Variants in DPP10 observed in about 807,000 individuals in gnomAD.
DPP10 encodes the protein dipeptidyl peptidase like 10, also known as inactive dipeptidyl peptidase 10.
Under a neutral mutation model 120.9 loss-of-function variants are expected in DPP10, and 33 were observed. That is an observed-to-expected ratio of 0.27 (90% CI 0.21 to 0.37). The LOEUF (loss-of-function observed/expected upper bound fraction) is 0.37. Among genes scored for constraint, DPP10 ranks in the 10% least tolerant of loss-of-function variants. The probability of loss-of-function intolerance (pLI) is 1.00; values close to 1 mark genes in which losing one functional copy is unlikely to be tolerated. For missense variants in DPP10, 816 were observed against 942.8 expected (o/e 0.87, Z 1.76); for synonymous variants, 337 against 326.1 (o/e 1.03, Z -0.36).
At chr2:115,799,618 T>C (rs1347769189) in intron 19 of DPP10, among the ~76,000 whole-genome samples, 2 of 126,992 alleles carry the variant, frequency 1.6e-5, no homozygotes, top group Non-Finnish European at 3.1e-5. Context: ...TGGTGTGTGA[T>C]GTTCCCCTTC....
chr2:115,451,556 T>C (rs2073107483), intron 3 of DPP10, among the ~76,000 whole-genome samples: 1 of 151,922 alleles, frequency 6.6e-6, no homozygotes, highest in South Asian at 2.1e-4. Context: ...AATACTATAT[T>C]TGATAGAAGT....
At chr2:115,719,210 A>G (rs1026559466) in intron 7 of DPP10, among the ~76,000 whole-genome samples, 1 of 152,218 alleles carries the variant, frequency 6.6e-6, no homozygotes, top group East Asian at 1.9e-4. Flanking sequence ...AAAAGCGTGG[A>G]TTAAAAGATA....
chr2:115,776,582 AG>A (rs1682124359), intron 13 of DPP10, among the ~76,000 whole-genome samples: 1 of 152,160 alleles, frequency 6.6e-6, no homozygotes, highest in South Asian at 2.1e-4. Flanking sequence ...AACTACATAA[AG>A]TGGTTAAGGA....
At chr2:115,767,473 A>G (rs74550903) in intron 12 of DPP10, among the ~76,000 whole-genome samples, 11,990 of 150,638 alleles carry the variant, frequency 0.08, 645 homozygotes, top group Non-Finnish European at 0.12. Context: ...ACATACATAT[A>G]TGTGTGTGTG....
intron 1 of DPP10, among the ~76,000 whole-genome samples, chr2:114,730,465 GT>G (rs1392885103): frequency 2.0e-5 from 3 of 152,156 alleles, no homozygotes; most frequent in African/African-American, 2.4e-5. Context: ...GATTTATAAA[GT>G]TCATTTTTGC....
intron 1 of DPP10, among the ~76,000 whole-genome samples, chr2:115,048,293 T>A (rs752155449): frequency 1.3e-5 from 2 of 152,010 alleles, no homozygotes; most frequent in Non-Finnish European, 2.9e-5. Flanking sequence ...TTCCCCAATC[T>A]AATAAATCAG....
chr2:115,013,800 T>C (rs529823457), intron 1 of DPP10, among the ~76,000 whole-genome samples: 1 of 152,064 alleles, frequency 6.6e-6, no homozygotes, highest in East Asian at 1.9e-4. Context: ...CTAACTATCC[T>C]AAATATATAT....
intron 1 of DPP10, among the ~76,000 whole-genome samples, chr2:114,521,905 TCACGC>T (rs1685089084): frequency 2.0e-5 from 3 of 149,772 alleles, no homozygotes; most frequent in Admixed American, 6.7e-5. Flanking sequence ...CTTCCCGGGT[TCACGC>T]CATTCTCCTG....
At chr2:114,968,181 C>T (rs1218706557) in intron 1 of DPP10, among the ~76,000 whole-genome samples, 1 of 152,142 alleles carries the variant, frequency 6.6e-6, no homozygotes, top group African/African-American at 2.4e-5. Context: ...CCTGTGCTCT[C>T]GTCTTGTTGA....
At chr2:114,738,551 C>G (rs1677694199) in intron 1 of DPP10, among the ~76,000 whole-genome samples, 1 of 152,166 alleles carries the variant, frequency 6.6e-6, no homozygotes, top group Admixed American at 6.5e-5. Context: ...GTGGGGAGCA[C>G]TAGCCTGTGT....
chr2:115,204,354 C>T (rs573700034), intron 1 of DPP10, among the ~76,000 whole-genome samples: 11 of 152,090 alleles, frequency 7.2e-5, no homozygotes, highest in Admixed American at 3.3e-4. Flanking sequence ...TTAGAATTCA[C>T]GGGAAGAAGG....
chr2:115,119,988 A>G (rs2049737849), intron 1 of DPP10, among the ~76,000 whole-genome samples: 1 of 152,194 alleles, frequency 6.6e-6, no homozygotes, highest in South Asian at 2.1e-4. Context: ...GTGGTCTTGT[A>G]CTTTTCCCAA....
chr2:115,261,290 T>C (rs575435190), intron 1 of DPP10, among the ~76,000 whole-genome samples: 1 of 152,322 alleles, frequency 6.6e-6, no homozygotes, highest in African/African-American at 2.4e-5. Flanking sequence ...GACCTAATTT[T>C]AGTAAGCCTA....
At chr2:114,801,794 T>C (rs938565473) in intron 1 of DPP10, among the ~76,000 whole-genome samples, 7 of 152,204 alleles carry the variant, frequency 4.6e-5, no homozygotes, top group African/African-American at 1.4e-4. Flanking sequence ...ATCAAGCACA[T>C]AGATATTAGG....
At chr2:115,117,760 C>T (rs759947286) in intron 1 of DPP10, among the ~76,000 whole-genome samples, 45 of 152,006 alleles carry the variant, frequency 3.0e-4, no homozygotes, top group Non-Finnish European at 5.9e-4. Context: ...AAAATAATTA[C>T]GAAGCTATAA....
intron 5 of DPP10, among the ~76,000 whole-genome samples, chr2:115,640,070 T>G (rs1423306620): frequency 2.0e-5 from 3 of 152,006 alleles, no homozygotes; most frequent in African/African-American, 7.2e-5. Context: ...TTAGATCTAC[T>G]TGACTCCAAA....
At position 115,751,964 on chromosome 2, in the gene DPP10, A is replaced by AT. The variant is rs1306486995; in HGVS notation, c.951-1210_951-1209insT. ...TAGGCATGTGCCACAACACCCGGCT[A>AT]ATTTTTTGTATTTTTAATAGAGACA... is the stretch of plus-strand genomic sequence containing the variant. On this transcript the variant is annotated intron_variant, in intron 10 of 25. Transcript: ENST00000410059. 4.3e-5 allele frequency among the ~76,000 whole-genome samples: 6 copies of AT among 138,542 alleles called. No individual in the cohort carries two copies. The East Asian group carries it at 1.3e-3, about 30-fold the overall frequency. The allele number at this position is 138,542 out of a possible 152,430, so 90.9% of individuals were successfully genotyped here.
intron 1 of DPP10, among the ~76,000 whole-genome samples, chr2:115,296,546 G>A (rs532796349): frequency 1.3e-5 from 2 of 152,078 alleles, no homozygotes; most frequent in South Asian, 4.1e-4. Context: ...CTGCCTTTCA[G>A]ATCTAAGCTC....
chr2:114,803,356 A>T (rs1468942475), intron 1 of DPP10, among the ~76,000 whole-genome samples: 1 of 152,214 alleles, frequency 6.6e-6, no homozygotes, highest in Non-Finnish European at 1.5e-5. Context: ...GTAACAGTAG[A>T]GTGGGGCATT....
Sources: gnomAD v4.1 joint callset for allele counts (sites outside exome capture counted in the v4.1 genomes callset) on GRCh38, gnomAD v4.1.1 for gene constraint, MANE v1.5 for transcripts, NCBI Gene and HGNC (gene_info 2026-07-23, HGNC 2026-07-21) for gene names.